The following KLHL29 variants were observed in gnomAD, a reference collection of about 807,000 sequenced individuals.
KLHL29 encodes kelch like family member 29.
In KLHL29, 21 loss-of-function variants were observed where a neutral mutation model predicts 80.4. That is an observed-to-expected ratio of 0.26 (90% CI 0.19 to 0.38). The LOEUF (loss-of-function observed/expected upper bound fraction) is 0.38, where lower values mean the gene tolerates loss of function less well. KLHL29 is among the 10% of genes least tolerant of loss of function. The pLI is 1.00. For synonymous variants in KLHL29, 511 were observed against 526.8 expected (o/e 0.97, Z 0.41); for missense variants, 867 against 1,223.9 (o/e 0.71, Z 4.35).
At chr2:23,506,779 C>T (rs1235770317) in intron 2 of KLHL29, among the ~76,000 whole-genome samples, 1 of 152,206 alleles carries the variant, frequency 6.6e-6, no homozygotes, top group Non-Finnish European at 1.5e-5. Context: ...GTAGGGGACA[C>T]CATCAAAGCT....
chr2:23,475,070 C>G (rs1364114693), intron 1 of KLHL29, among the ~76,000 whole-genome samples: 1 of 151,138 alleles, frequency 6.6e-6, no homozygotes, highest in Admixed American at 6.6e-5. Context: ...GTCTTCTTGC[C>G]CATTGTGTGA....
At chr2:23,541,551 G>A (rs754355810) in intron 2 of KLHL29, among the ~76,000 whole-genome samples, 2 of 152,228 alleles carry the variant, frequency 1.3e-5, no homozygotes, top group Non-Finnish European at 2.9e-5. Context: ...CTGGCTGGTG[G>A]GCTGAAAGTG....
chr2:23,645,086 C>T (rs947052916), intron 5 of KLHL29, among the ~76,000 whole-genome samples: 6 of 152,192 alleles, frequency 3.9e-5, no homozygotes, highest in African/African-American at 1.2e-4. Flanking sequence ...CCTACAAATG[C>T]CTCCAAACTC....
At chr2:23,439,676 C>T (rs377090112) in intron 1 of KLHL29, among the ~76,000 whole-genome samples, 2 of 151,794 alleles carry the variant, frequency 1.3e-5, no homozygotes, top group Non-Finnish European at 2.9e-5. Flanking sequence ...GTCTGAGAGA[C>T]AGTTTGTTAT....
At chr2:23,618,991 C>T (rs531324915) in intron 3 of KLHL29, among the ~76,000 whole-genome samples, 2 of 152,340 alleles carry the variant, frequency 1.3e-5, no homozygotes, top group African/African-American at 2.4e-5. Flanking sequence ...GCCCCCTTTA[C>T]AGGCAGATGC....
At chr2:23,705,356 T>A (rs1264082455) in intron 13 of KLHL29, among the ~76,000 whole-genome samples, 1 of 152,100 alleles carries the variant, frequency 6.6e-6, no homozygotes, top group Non-Finnish European at 1.5e-5. Flanking sequence ...CCAGGTGTGG[T>A]GGCAGGCGCC....
chr2:23,524,110 G>T (rs1666204039), intron 2 of KLHL29: 1 of 457,446 alleles, frequency 2.2e-6, no homozygotes, highest in African/African-American at 2.0e-5. Flanking sequence ...AGTGTCGTAG[G>T]TAGCGGAGAT....
rs138797516 is a variant in KLHL29 at position 23,634,050 on chromosome 2, G to A, written c.286-5089G>A. On this transcript the variant is annotated intron_variant, in intron 3 of 13. Coordinates refer to ENST00000486442, the MANE Select transcript of KLHL29 (RefSeq NM_052920.2). ...CTCTCCAAGCCTGTGTGACCCCCAC[G>A]GCTCCCTGGTGTAGGTGTCCCATTC... 8.5e-5 allele frequency among the ~76,000 whole-genome samples: 13 copies of A among 152,186 alleles called. No homozygotes were observed. The East Asian group carries it at 2.3e-3, about 27-fold the overall frequency.
intron 1 of KLHL29, among the ~76,000 whole-genome samples, chr2:23,412,133 G>GGC (rs1160603004): frequency 6.9e-6 from 1 of 145,310 alleles, no homozygotes; most frequent in Non-Finnish European, 1.5e-5. Context: ...GGGGGGGGGG[G>GGC]GGCGGTGCGG....
chr2:23,562,547 GCCAGCCC>G lies in KLHL29; in HGVS notation c.285+68_285+74del. 6.7e-7 allele frequency: 1 copy of G among 1,496,236 alleles called. No homozygotes were observed. The highest frequency in any genetic ancestry group is 8.9e-7 in the Non-Finnish European group (1 of 1,120,458). The allele number at this position is 1,496,236 out of a possible 1,614,324, so 92.7% of individuals were successfully genotyped here. ...GGGCCCTGCCTCCCTGCAGGCTCAG[GCCAGCCC>G]CACAGGCTCCTGTGGGGCAGCCTGT... On this transcript the variant is annotated intron_variant, in intron 3 of 13. Coordinates refer to ENST00000486442, the MANE Select transcript of KLHL29 (RefSeq NM_052920.2). The surrounding 1 kb of genome is among the most constrained non-coding windows in gnomAD (Gnocchi z 4.5).
intron 2 of KLHL29, among the ~76,000 whole-genome samples, chr2:23,551,332 C>G (rs369323573): frequency 1.3e-5 from 2 of 152,004 alleles, no homozygotes; most frequent in African/African-American, 4.8e-5. Flanking sequence ...GTCTCTGAAT[C>G]GTGTGTGCTT....
At chr2:23,704,595 C>T (rs997752994) in intron 13 of KLHL29, among the ~76,000 whole-genome samples, 1 of 152,162 alleles carries the variant, frequency 6.6e-6, no homozygotes, top group South Asian at 2.1e-4. Context: ...GGTAAAACCC[C>T]GACTCTACTA....
chr2:23,614,823 T>C (rs1028774101), intron 3 of KLHL29, among the ~76,000 whole-genome samples: 2 of 152,114 alleles, frequency 1.3e-5, no homozygotes, highest in Admixed American at 6.5e-5. Context: ...TGGGCTGGTG[T>C]GTTCAGGAAA....
intron 1 of KLHL29, among the ~76,000 whole-genome samples, chr2:23,390,563 CATAT>C (rs1280270527): frequency 6.7e-6 from 1 of 150,246 alleles, no homozygotes; most frequent in African/African-American, 2.5e-5. Flanking sequence ...TATACACATA[CATAT>C]ATATAGTTAT....
At chr2:23,698,727 T>TGATA (rs1358165246) in intron 11 of KLHL29, among the ~76,000 whole-genome samples, 1 of 152,178 alleles carries the variant, frequency 6.6e-6, no homozygotes, top group Non-Finnish European at 1.5e-5. Context: ...ACTGGATAAA[T>TGATA]GATAGCAGAA....
At chr2:23,530,010 G>A (rs974119127) in intron 2 of KLHL29, among the ~76,000 whole-genome samples, 4 of 151,424 alleles carry the variant, frequency 2.6e-5, no homozygotes, top group East Asian at 1.9e-4. Context: ...ACTTCAGTCC[G>A]GCTCTTTCCA....
chr2:23,437,939 T>C (rs1321840122), intron 1 of KLHL29, among the ~76,000 whole-genome samples: 1 of 150,352 alleles, frequency 6.7e-6, no homozygotes, highest in African/African-American at 2.4e-5. Flanking sequence ...TTCCTACCCA[T>C]GAGCATGGAA....
At chr2:23,626,845 T>C (rs1669322357) in intron 3 of KLHL29, among the ~76,000 whole-genome samples, 1 of 152,168 alleles carries the variant, frequency 6.6e-6, no homozygotes, top group Admixed American at 6.5e-5. Flanking sequence ...GAGGAAACCT[T>C]GGCCTAGGCA....
At chr2:23,517,305 G>A (rs1216650806) in intron 2 of KLHL29, among the ~76,000 whole-genome samples, 1 of 152,350 alleles carries the variant, frequency 6.6e-6, no homozygotes, top group Non-Finnish European at 1.5e-5. Flanking sequence ...AGCACTTTGG[G>A]AGGCCGAGGC....
Sources: gnomAD v4.1 joint callset for allele counts (sites outside exome capture counted in the v4.1 genomes callset) on GRCh38, gnomAD v4.1.1 for gene constraint, Gnocchi (gnomAD v3.1) non-coding constraint, MANE v1.5 for transcripts, NCBI Gene and HGNC (gene_info 2026-07-23, HGNC 2026-07-21) for gene names.